Variants in PDE7B observed in about 807,000 individuals in gnomAD.
The protein encoded by PDE7B is phosphodiesterase 7B.
Under a neutral mutation model 56.2 loss-of-function variants are expected in PDE7B, and 29 were observed. That is an observed-to-expected ratio of 0.52 (90% CI 0.38 to 0.70). The LOEUF (loss-of-function observed/expected upper bound fraction) is 0.70. PDE7B is among the 30% of genes least tolerant of loss of function. The probability of loss-of-function intolerance (pLI) is 0.00; values close to 1 mark genes in which losing one functional copy is unlikely to be tolerated. For synonymous variants in PDE7B, 197 were observed against 196.9 expected (o/e 1.00, Z 0.00); for missense variants, 490 against 565.0 (o/e 0.87, Z 1.35).
At chr6:135,912,164 G>C (rs969182096) in intron 1 of PDE7B, among the ~76,000 whole-genome samples, 1 of 152,160 alleles carries the variant, frequency 6.6e-6, no homozygotes, top group Non-Finnish European at 1.5e-5. Context: ...TAAGCGAAGA[G>C]TTGCTATACA....
At chr6:136,169,597 C>T (rs1231761804) in intron 8 of PDE7B, among the ~76,000 whole-genome samples, 1 of 152,144 alleles carries the variant, frequency 6.6e-6, no homozygotes, top group Non-Finnish European at 1.5e-5. Flanking sequence ...CTTGTTACAG[C>T]TTTCTGGCCC....
chr6:136,169,457 TTTA>T (rs547028474), intron 8 of PDE7B, among the ~76,000 whole-genome samples: 55 of 152,300 alleles, frequency 3.6e-4, no homozygotes, highest in Admixed American at 1.4e-3. Context: ...TAAGTATCCT[TTTA>T]TTCTGTCTTC....
intron 1 of PDE7B, among the ~76,000 whole-genome samples, chr6:135,941,512 C>T (rs1479711092): frequency 2.6e-5 from 4 of 152,228 alleles, no homozygotes; most frequent in African/African-American, 4.8e-5. Context: ...TAGTTTTCCA[C>T]TTTCCCAATT....
chr6:135,961,944 A>G lies in PDE7B; in HGVS notation c.82+14420A>G, dbSNP rs1774910576. On this transcript the variant is annotated intron_variant, in intron 2 of 12. Transcript: ENST00000308191. ...ACTGTAATGGTAGATACATTTGTCT[A>G]TAGAACATGCAACATCAAGAGTGAA... Among the ~76,000 whole-genome samples, 2 of 152,204 alleles carry G rather than the reference A, an allele frequency of 1.3e-5. 1 individual carries two copies. The highest frequency in any genetic ancestry group is 4.1e-4 in the South Asian group (2 of 4,832).
chr6:136,066,654 G>A (rs1776941412), intron 2 of PDE7B, among the ~76,000 whole-genome samples: 2 of 151,870 alleles, frequency 1.3e-5, no homozygotes, highest in Admixed American at 6.6e-5. Flanking sequence ...AAACCTTCAG[G>A]TATGCAATAT....
chr6:136,037,002 G>A (rs1029590618), intron 2 of PDE7B, among the ~76,000 whole-genome samples: 2 of 152,166 alleles, frequency 1.3e-5, no homozygotes, highest in African/African-American at 4.8e-5. Context: ...TTACTTTCAG[G>A]GTTAGCGCCT....
chr6:135,916,322 G>T (rs1052248852), intron 1 of PDE7B, among the ~76,000 whole-genome samples: 1 of 146,980 alleles, frequency 6.8e-6, no homozygotes, highest in African/African-American at 2.5e-5. Flanking sequence ...TTGCCCATTT[G>T]TATTTATTCC....
chr6:136,013,136 A>AG (rs1775921101), intron 2 of PDE7B, among the ~76,000 whole-genome samples: 2 of 152,164 alleles, frequency 1.3e-5, no homozygotes, highest in African/African-American at 4.8e-5. Context: ...GGGAAAAAAA[A>AG]CTTTTTTCAT....
At chr6:136,038,009 A>T in intron 2 of PDE7B, 1 of 1,295,198 alleles carries the variant, frequency 7.7e-7, no homozygotes, top group Non-Finnish European at 1.0e-6. Flanking sequence ...GAGTACAGTA[A>T]CAGTTTCTCA....
At chr6:135,913,435 A>G (rs553633739) in intron 1 of PDE7B, among the ~76,000 whole-genome samples, 2 of 152,174 alleles carry the variant, frequency 1.3e-5, no homozygotes, top group East Asian at 3.9e-4. Flanking sequence ...TTAGTATGAA[A>G]ACATAGCTTG....
chr6:136,193,546 C>G lies in PDE7B; in HGVS notation c.*1706C>G, dbSNP rs954641167. 9 of 152,208 alleles carry G rather than the reference C, an allele frequency of 5.9e-5. No homozygotes were observed. Among genetic ancestry groups the G allele is most frequent in the Non-Finnish European group, 1.3e-4 (9 of 68,036 alleles). 9.4% of individuals were successfully genotyped at this position (152,208 alleles called of 1,614,324 possible). ...CTTCTCTAGGCTGCTAAACGCTGTGCATTGAACCTTTTCTTTAGAAGTTTC... is the reference window on the plus strand; with the variant it reads ...CTTCTCTAGGCTGCTAAACGCTGTGGATTGAACCTTTTCTTTAGAAGTTTC... On this transcript the variant is annotated 3_prime_UTR_variant, in exon 13 of 13. Coordinates refer to ENST00000308191, the MANE Select transcript of PDE7B (RefSeq NM_018945.4).
At chr6:136,018,225 A>G (rs181459358) in intron 2 of PDE7B, among the ~76,000 whole-genome samples, 238 of 152,316 alleles carry the variant, frequency 1.6e-3, no homozygotes, top group Middle Eastern at 3.4e-3. Context: ...TTCAGTCCCA[A>G]GTAGCAGATC....
chr6:136,156,863 A>G (rs939983680), intron 8 of PDE7B, among the ~76,000 whole-genome samples: 1 of 152,224 alleles, frequency 6.6e-6, no homozygotes, highest in Non-Finnish European at 1.5e-5. Context: ...GCTATATACC[A>G]TCACTATTAA....
intron 1 of PDE7B, among the ~76,000 whole-genome samples, chr6:135,916,377 T>A (rs1773941082): frequency 7.6e-6 from 1 of 132,242 alleles, no homozygotes. Flanking sequence ...TTTTTTCTTT[T>A]CTTTTCTTTT....
intron 1 of PDE7B, among the ~76,000 whole-genome samples, chr6:135,865,657 GGA>G (rs138434061): frequency 1.2e-4 from 18 of 146,466 alleles, no homozygotes; most frequent in Admixed American, 1.4e-4. Context: ...GTGTATGTGT[GGA>G]GAGAGAGAGA....
At chr6:136,010,645 G>A (rs954943500) in intron 2 of PDE7B, among the ~76,000 whole-genome samples, 1 of 151,286 alleles carries the variant, frequency 6.6e-6, no homozygotes, top group African/African-American at 2.4e-5. Flanking sequence ...TTCTTTTTCT[G>A]TGAGACAGAG....
At chr6:136,070,123 A>G (rs1378447498) in intron 2 of PDE7B, 1 of 151,832 alleles carries the variant, frequency 6.6e-6, no homozygotes, top group Non-Finnish European at 1.5e-5. Flanking sequence ...GCTGCACTGT[A>G]TCTTAAAGTA....
chr6:136,184,479 C>T (rs1169184182), intron 11 of PDE7B, among the ~76,000 whole-genome samples: 1 of 152,112 alleles, frequency 6.6e-6, no homozygotes, highest in Non-Finnish European at 1.5e-5. Flanking sequence ...AAATAGAGTT[C>T]CTCAGTCTTG....
rs574536567 is a variant in PDE7B, at chr6:135,926,932, G to A, written c.22-20532G>A. 2.3e-4 allele frequency among the ~76,000 whole-genome samples: 35 copies of A among 152,188 alleles called. No individual in the cohort carries two copies. The South Asian group carries it at 7.3e-3, about 32-fold the overall frequency. On this transcript the variant is annotated intron_variant, in intron 1 of 12. Transcript: ENST00000308191. ...TTTATGAATTCTTTGAATTAATGTA[G>A]CTGCTTGAATTAATGAAGTATGTTG...
Sources: allele counts gnomAD v4.1 joint callset (sites outside exome capture counted in the v4.1 genomes callset), GRCh38; gene constraint gnomAD v4.1.1; transcripts MANE v1.5; gene names NCBI Gene and HGNC (gene_info 2026-07-23, HGNC 2026-07-21).